CPED1: variants seen among roughly 807,000 people sequenced by gnomAD.
The protein encoded by CPED1 is cadherin-like and PC-esterase domain-containing protein 1.
CPED1 carries 114 observed loss-of-function variants against 128.2 expected under a neutral mutation model. The ratio of observed to expected loss-of-function variants is 0.89; its 90% CI spans 0.76 to 1.04. The LOEUF is 1.04. Ranked by LOEUF, CPED1 falls within the 50% of genes least tolerant of loss-of-function variation. The probability of loss-of-function intolerance (pLI) is 0.00; values close to 1 mark genes in which losing one functional copy is unlikely to be tolerated. For missense variants in CPED1, 1,211 were observed against 1,207.1 expected, an observed-to-expected ratio of 1.00 and a Z score of -0.05; for synonymous variants, 462 against 426.7, an observed-to-expected ratio of 1.08 and a Z score of -1.02.
chr7:121,094,308 T>G (rs1188657594), intron 5 of CPED1, among the ~76,000 whole-genome samples: 1 of 152,188 alleles, frequency 6.6e-6, no homozygotes, highest in Non-Finnish European at 1.5e-5. Context: ...ATTACTTCCC[T>G]ATTAATTATT....
intron 3 of CPED1, among the ~76,000 whole-genome samples, chr7:121,035,519 G>A (rs1792860587): frequency 6.6e-6 from 1 of 152,050 alleles, no homozygotes; most frequent in Admixed American, 6.6e-5. Flanking sequence ...GAGAAAGAGT[G>A]GCTATAGCTT....
chr7:120,993,136 A>G (rs1796336364), intron 2 of CPED1, among the ~76,000 whole-genome samples: 1 of 152,216 alleles, frequency 6.6e-6, no homozygotes, highest in Non-Finnish European at 1.5e-5. Context: ...TCTTAAAATT[A>G]TTTCAATTTA....
chr7:121,062,446 T>C (rs1793697515), intron 4 of CPED1, among the ~76,000 whole-genome samples: 1 of 152,224 alleles, frequency 6.6e-6, no homozygotes, highest in Non-Finnish European at 1.5e-5. Flanking sequence ...TATTAGTCTA[T>C]TATGGGTTAT....
intron 3 of CPED1, among the ~76,000 whole-genome samples, chr7:121,036,192 T>C (rs1792880686): frequency 6.6e-6 from 1 of 152,118 alleles, no homozygotes; most frequent in African/African-American, 2.4e-5. Flanking sequence ...AGTAACTTAG[T>C]GGTGATTTCT....
In CPED1 at chr7:121,271,450, G is replaced by T; in HGVS notation, c.2868+20G>T. 1 of 1,603,450 alleles carries T rather than the reference G, an allele frequency of 6.2e-7. No homozygotes were observed. The highest frequency in any genetic ancestry group is 1.7e-5 in the Admixed American group (1 of 58,914). On this transcript the variant is annotated intron_variant, in intron 22 of 22. Transcript: ENST00000310396. The stretch of plus-strand genomic sequence containing the variant: ...CATGAGGTATTTATGCTGGCTATCT[G>T]AGTTTTATAGCTTTTGATCTTTTAA...
intron 3 of CPED1, among the ~76,000 whole-genome samples, chr7:121,037,421 T>C (rs760429536): frequency 2.0e-5 from 3 of 152,220 alleles, no homozygotes; most frequent in Non-Finnish European, 4.4e-5. Flanking sequence ...TATGTTTTTG[T>C]TTGCTTTTTT....
At chr7:121,088,686 A>G (rs1794498798) in intron 5 of CPED1, among the ~76,000 whole-genome samples, 1 of 145,136 alleles carries the variant, frequency 6.9e-6, no homozygotes, top group Admixed American at 7.1e-5. Flanking sequence ...AGTCATTTGA[A>G]TGTAACGTCC....
chr7:121,097,363 C>G (rs949499689), intron 5 of CPED1, among the ~76,000 whole-genome samples: 1 of 152,108 alleles, frequency 6.6e-6, no homozygotes, highest in South Asian at 2.1e-4. Context: ...GCAGCCACCA[C>G]CCCCTCATTG....
Position 121,219,016 on chromosome 7 carries a change from T to A in CPED1, c.2056-17698T>A, listed in dbSNP as rs958273650. 2.0e-5 allele frequency among the ~76,000 whole-genome samples: 3 copies of A among 152,094 alleles called. No individual in the cohort carries two copies. In the East Asian group the frequency reaches 5.8e-4, roughly 29 times the overall value. ...ATTATTTTGTCACTTCCAAAACTGA[T>A]CTAGATTGGTCAAAGTATGAGAGAA... On this transcript the variant is annotated intron_variant, in intron 16 of 22. Transcript: ENST00000310396.
chr7:121,076,938 A>C (rs1794140980), intron 5 of CPED1, among the ~76,000 whole-genome samples: 1 of 152,104 alleles, frequency 6.6e-6, no homozygotes, highest in East Asian at 1.9e-4. Context: ...TTTAAAAAAA[A>C]ATACTCAGGA....
chr7:120,992,700 A>G (rs1370788200), intron 2 of CPED1, among the ~76,000 whole-genome samples: 1 of 152,258 alleles, frequency 6.6e-6, no homozygotes, highest in African/African-American at 2.4e-5. Context: ...TTCAGAAACC[A>G]AAGTAAATAC....
intron 16 of CPED1, among the ~76,000 whole-genome samples, chr7:121,233,070 A>C (rs1055628669): frequency 4.7e-4 from 72 of 152,188 alleles, no homozygotes; most frequent in African/African-American, 1.5e-3. Context: ...AGGAGGAAAA[A>C]CCAAGAACAT....
chr7:121,212,684 A>C (rs1382728603), intron 16 of CPED1, among the ~76,000 whole-genome samples: 1 of 102,762 alleles, frequency 9.7e-6, no homozygotes, highest in East Asian at 4.4e-4. Flanking sequence ...TGTCTGTTAA[A>C]GGAATTCATT....
intron 8 of CPED1, among the ~76,000 whole-genome samples, chr7:121,125,067 G>T (rs1795473255): frequency 6.6e-6 from 1 of 151,976 alleles, no homozygotes; most frequent in South Asian, 2.1e-4. Context: ...TCGTATTTAG[G>T]TTTCCATGGA....
At chr7:121,208,021 C>G (rs1460801471) in intron 16 of CPED1, among the ~76,000 whole-genome samples, 2 of 151,994 alleles carry the variant, frequency 1.3e-5, no homozygotes, top group African/African-American at 4.8e-5. Context: ...AGCCTCCTAA[C>G]TCACTTTCCT....
chr7:121,007,230 CAT>C (rs1792043837), intron 2 of CPED1, among the ~76,000 whole-genome samples: 1 of 115,848 alleles, frequency 8.6e-6, no homozygotes. Context: ...GTTCAGGTTG[CAT>C]TTTTTTTTTT....
chr7:121,271,400 A>T lies in CPED1; in HGVS notation c.2838A>T (p.Leu946=), dbSNP rs760984728. The change falls in exon 22 of 23, where the codon CTA becomes CTT. Residue 946 remains leucine (L), a synonymous_variant. Transcript: ENST00000310396. ...TITMGRYKEF[L]QGKCGCHFHE... ...CAATGGGGCGTTACAAAGAGTTTCT[A>T]CAGGGGAAGTGTGGATGTCATTTCC... 12 of 1,612,822 alleles carry T rather than the reference A, an allele frequency of 7.4e-6. No homozygotes were observed. Among genetic ancestry groups the T allele is most frequent in the Non-Finnish European group, 9.3e-6 (11 of 1,179,244 alleles).
At chr7:121,260,427 T>C (rs1282032630) in intron 18 of CPED1, among the ~76,000 whole-genome samples, 1 of 151,908 alleles carries the variant, frequency 6.6e-6, no homozygotes, top group African/African-American at 2.4e-5. Flanking sequence ...TAGTTTTTCA[T>C]CATGACCTAA....
intron 2 of CPED1, among the ~76,000 whole-genome samples, chr7:121,000,398 AG>A (rs1416353361): frequency 6.6e-6 from 1 of 152,194 alleles, no homozygotes; most frequent in Non-Finnish European, 1.5e-5. Flanking sequence ...TAAAAGACTG[AG>A]TCGGCCATGT....
Sources: allele counts gnomAD v4.1 joint callset (sites outside exome capture counted in the v4.1 genomes callset), GRCh38; gene constraint gnomAD v4.1.1; transcripts MANE v1.5; gene names NCBI Gene and HGNC (gene_info 2026-07-23, HGNC 2026-07-21).